Variants in GOLM1 observed in about 807,000 individuals in gnomAD.
GOLM1 encodes the protein golgi membrane protein 1.
A neutral mutation model predicts 50.5 loss-of-function variants in GOLM1; 31 were observed. The observed-to-expected ratio is 0.61, with a 90% CI of 0.46 to 0.83. The LOEUF is 0.83. Ranked by LOEUF, GOLM1 falls within the 40% of genes least tolerant of loss-of-function variation. GOLM1 has a pLI of 0.00. For synonymous variants in GOLM1, 178 were observed against 192.8 expected (o/e 0.92, Z 0.64); for missense variants, 491 against 501.3 (o/e 0.98, Z 0.20).
At chr9:86,057,885 A>G (rs750521028) in intron 3 of GOLM1, among the ~76,000 whole-genome samples, 30 of 152,186 alleles carry the variant, frequency 2.0e-4, no homozygotes, top group Non-Finnish European at 4.1e-4. Context: ...TAACTACTGT[A>G]TTTCTTTGGC....
At chr9:86,035,736 G>C (rs1587696263) in intron 7 of GOLM1, 111 bp from the exon 8 acceptor site, 1 of 999,130 alleles carries the variant, frequency 1.0e-6, no homozygotes, top group East Asian at 2.4e-5. Context: ...TTCCCAAGGA[G>C]TGGGGGTGGG....
At chr9:86,045,184 T>C (rs1178687088) in intron 5 of GOLM1, among the ~76,000 whole-genome samples, 3 of 150,074 alleles carry the variant, frequency 2.0e-5, no homozygotes, top group African/African-American at 7.4e-5. Flanking sequence ...GCCTGACCAA[T>C]GACAGGGTTT....
At chr9:86,059,306 C>T (rs1396709616) in intron 3 of GOLM1, among the ~76,000 whole-genome samples, 1 of 152,196 alleles carries the variant, frequency 6.6e-6, no homozygotes, top group Non-Finnish European at 1.5e-5. Context: ...TGTCCGTCAA[C>T]AGGCGAACAG....
Position 86,026,730 on chromosome 9 carries a change from G to T in GOLM1, c.*1087C>A. On this transcript the variant is annotated 3_prime_UTR_variant, in exon 10 of 10. Coordinates refer to ENST00000388712, the MANE Select transcript of GOLM1 (RefSeq NM_016548.4). Reference sequence around the variant, plus strand: ...ACTCAAGTCAAACCTTAATGCCATTGTTATTGTGAATTAGGATTAAGTAGT... The same window carrying T: ...ACTCAAGTCAAACCTTAATGCCATTTTTATTGTGAATTAGGATTAAGTAGT... 1 of 981,800 alleles carries T rather than the reference G, an allele frequency of 1.0e-6. No individual in the cohort carries two copies. The highest frequency in any genetic ancestry group is 1.2e-6 in the Non-Finnish European group (1 of 826,666). 60.8% of individuals were successfully genotyped at this position (981,800 alleles called of 1,614,324 possible).
chr9:86,058,384 T>TA (rs1834049723), intron 3 of GOLM1, among the ~76,000 whole-genome samples: 1 of 152,122 alleles, frequency 6.6e-6, no homozygotes, highest in African/African-American at 2.4e-5. Context: ...AATGAGAAGA[T>TA]ACCACTTCAC....
rs1832816949 is a variant in GOLM1, at chr9:86,027,348, A to G, written c.*469T>C. ...GAATCAGAAGTGACTACACAAGAGCATTAGCCAGACTTTTCAGTGAGAACA... is the reference window on the plus strand; with the variant it reads ...GAATCAGAAGTGACTACACAAGAGCGTTAGCCAGACTTTTCAGTGAGAACA... On this transcript the variant is annotated 3_prime_UTR_variant, in exon 10 of 10. Transcript: ENST00000388712. The G allele has an allele frequency of 2.0e-6, 2 of 988,296 alleles. No individual in the cohort carries two copies. Among genetic ancestry groups the G allele is most frequent in the Non-Finnish European group, 2.4e-6 (2 of 832,058 alleles). 61.2% of individuals were successfully genotyped at this position (988,296 alleles called of 1,614,324 possible). A position where few individuals can be genotyped will look rare whatever the true frequency, so the allele number is the denominator to read the frequency against.
intron 3 of GOLM1, among the ~76,000 whole-genome samples, chr9:86,074,536 CAAG>C (rs1222649001): frequency 6.6e-6 from 1 of 152,156 alleles, no homozygotes; most frequent in Non-Finnish European, 1.5e-5. Flanking sequence ...TGCGGGCAGC[CAAG>C]AAGTTGTGTC....
chr9:86,097,371 G>A (rs79375258), intron 1 of GOLM1, among the ~76,000 whole-genome samples: 4,690 of 151,996 alleles, frequency 0.031, 278 homozygotes, highest in East Asian at 0.27. Context: ...AAACAGAAGT[G>A]CTTTTAAAAA....
intron 1 of GOLM1, among the ~76,000 whole-genome samples, chr9:86,088,632 C>G (rs1336828359): frequency 7.3e-6 from 1 of 136,358 alleles, no homozygotes; most frequent in African/African-American, 2.7e-5. Context: ...ATTCTTCCAT[C>G]CCTTTATTTT....
Position 86,026,286 on chromosome 9 carries a change from T to TA in GOLM1, c.*1530dup. On this transcript the variant is annotated 3_prime_UTR_variant, in exon 10 of 10. Coordinates refer to ENST00000388712, the MANE Select transcript of GOLM1 (RefSeq NM_016548.4). ...CTCAAAGTGAGGCTGGAAGAGGACT[T>TA]AGAAGAGTATGAAAGTACTCTAAGA... 1 of 985,236 alleles carries TA rather than the reference T, an allele frequency of 1.0e-6. No individual in the cohort carries two copies. The highest frequency in any genetic ancestry group is 1.1e-4 in the East Asian group (1 of 8,810). The allele number at this position is 985,236 out of a possible 1,614,324, so 61.0% of individuals were successfully genotyped here.
chr9:86,035,165 G>A (rs1221373369), intron 8 of GOLM1: 3 of 985,154 alleles, frequency 3.0e-6, no homozygotes, highest in African/African-American at 1.7e-5. Flanking sequence ...CTAAAACCTC[G>A]AGTTCTAGAG....
At chr9:86,068,573 CCT>C (rs1224134887) in intron 3 of GOLM1, among the ~76,000 whole-genome samples, 4 of 152,196 alleles carry the variant, frequency 2.6e-5, no homozygotes, top group Admixed American at 1.3e-4. Flanking sequence ...CTGCCAGGCC[CCT>C]GAGTAAGGGA....
chr9:86,041,327 C>T (rs1488839515), intron 5 of GOLM1, among the ~76,000 whole-genome samples: 1 of 152,048 alleles, frequency 6.6e-6, no homozygotes, highest in South Asian at 2.1e-4. Flanking sequence ...AGGCTGACTG[C>T]CAGAGGAACT....
chr9:86,093,191 C>T (rs1288363389), intron 1 of GOLM1, among the ~76,000 whole-genome samples: 3 of 151,880 alleles, frequency 2.0e-5, no homozygotes, highest in Admixed American at 6.6e-5. Context: ...GCCAGCCTGG[C>T]CAACATATCA....
In GOLM1 at chr9:86,034,020, G is replaced by A. The variant is rs573190043; in HGVS notation, c.1016-625C>T. On this transcript the variant is annotated intron_variant, in intron 8 of 9. Transcript: ENST00000388712. ...CACTCTGTCGCCCAGGCTGGAGTGC[G>A]GTGGCGTAATCTCGGCTCACTGCAA... 8.0e-5 allele frequency among the ~76,000 whole-genome samples: 12 copies of A among 150,512 alleles called. No homozygotes were observed. The South Asian group carries it at 1.9e-3, about 24-fold the overall frequency.
intron 1 of GOLM1, among the ~76,000 whole-genome samples, chr9:86,097,265 G>A (rs1355476102): frequency 6.6e-6 from 1 of 152,024 alleles, no homozygotes; most frequent in African/African-American, 2.4e-5. Context: ...AATATCATTC[G>A]CCCTTTTCTA....
rs1218664446 is a variant in GOLM1 at position 86,079,211 on chromosome 9, G to C, written c.110C>G (p.Ser37Cys). ...VLGFNYWIASSRSVDLQTRIM... is the reference protein window; with the variant it reads ...VLGFNYWIASCRSVDLQTRIM... ...AAACACCTGGAGGTCCACGCTCCGG[G>C]AGCTCGCAATCCAGTAGTTGAAGCC... The change falls in exon 2 of 10, where the codon TCC becomes TGC. Residue 37 changes from serine (S) to cysteine (C), a missense_variant. By Grantham distance (112) the Ser-to-Cys change is moderately radical. Coordinates refer to ENST00000388712, the MANE Select transcript of GOLM1 (RefSeq NM_016548.4). 6.3e-7 allele frequency: 1 copy of C among 1,597,688 alleles called. No individual in the cohort carries two copies. The highest frequency in any genetic ancestry group is 1.4e-5 in the African/African-American group (1 of 73,910).
At chr9:86,048,189 C>T (rs950926397) in intron 4 of GOLM1, among the ~76,000 whole-genome samples, 1 of 152,126 alleles carries the variant, frequency 6.6e-6, no homozygotes, top group African/African-American at 2.4e-5. Context: ...TATGTCCCTA[C>T]AAAGGACATA....
At chr9:86,095,687 C>G (rs1835337766) in intron 1 of GOLM1, among the ~76,000 whole-genome samples, 1 of 152,160 alleles carries the variant, frequency 6.6e-6, no homozygotes, top group Non-Finnish European at 1.5e-5. Context: ...CCCAAAAGAG[C>G]CCAGCAGGGC....
Sources: gnomAD v4.1 joint callset for allele counts (sites outside exome capture counted in the v4.1 genomes callset) on GRCh38, gnomAD v4.1.1 for gene constraint, MANE v1.5 for transcripts, NCBI Gene and HGNC (gene_info 2026-07-23, HGNC 2026-07-21) for gene names.